The following SH3RF3 variants were observed in gnomAD, a reference collection of about 807,000 sequenced individuals.
SH3RF3 encodes the protein SH3 domain containing ring finger 3.
SH3RF3 carries 29 observed loss-of-function variants against 66.3 expected under a neutral mutation model. The ratio of observed to expected loss-of-function variants is 0.44; its 90% CI spans 0.33 to 0.60. The LOEUF (loss-of-function observed/expected upper bound fraction) is 0.60. Among genes scored for constraint, SH3RF3 ranks in the 20% least tolerant of loss-of-function variants. SH3RF3 has a pLI of 0.04. For missense variants in SH3RF3, 1,194 were observed against 1,190.9 expected (o/e 1.00, Z -0.04); for synonymous variants, 583 against 532.0 (o/e 1.10, Z -1.32).
chr2:109,284,409 G>A (rs998910891), intron 1 of SH3RF3, among the ~76,000 whole-genome samples: 1 of 152,238 alleles, frequency 6.6e-6, no homozygotes, highest in African/African-American at 2.4e-5. Context: ...TGTGGGGCAG[G>A]ACCTTATTCC....
intron 1 of SH3RF3, among the ~76,000 whole-genome samples, chr2:109,345,462 C>T (rs1474696682): frequency 6.6e-6 from 1 of 152,132 alleles, no homozygotes; most frequent in Non-Finnish European, 1.5e-5. Context: ...AAACAGCCAC[C>T]GAGTCTGTAG....
chr2:109,339,957 G>T (rs560395204), intron 1 of SH3RF3, among the ~76,000 whole-genome samples: 1 of 152,330 alleles, frequency 6.6e-6, no homozygotes, highest in South Asian at 2.1e-4. Flanking sequence ...GTGGTTGGAA[G>T]CTGGTTGCCC....
chr2:109,336,347 G>A (rs1682421340), intron 1 of SH3RF3, among the ~76,000 whole-genome samples: 1 of 152,212 alleles, frequency 6.6e-6, no homozygotes, highest in Admixed American at 6.5e-5. Context: ...AAGTGTGAAG[G>A]CTTCAAGAAG....
rs80115599 is a variant in SH3RF3, at chr2:109,150,210, C to T, written c.573+20097C>T. ...ACCTGGAAGATGAGTTGGACATGGC[C>T]AGGTAAAGAGGGAGGAAGAGTGTTC... On this transcript the variant is annotated intron_variant, in intron 1 of 9. Transcript: ENST00000309415. Among the ~76,000 whole-genome samples, 1,217 of 152,054 alleles carry T rather than the reference C, an allele frequency of 8.0e-3. 16 individuals are homozygous for T. The highest frequency in any genetic ancestry group is 0.028 in the African/African-American group (1,158 of 41,462).
intron 9 of SH3RF3, among the ~76,000 whole-genome samples, chr2:109,495,042 T>A (rs1383652422): frequency 6.6e-6 from 1 of 152,130 alleles, no homozygotes; most frequent in East Asian, 1.9e-4. Context: ...GTCTCGTAAG[T>A]AGACTTATGA....
At chr2:109,272,847 C>T (rs889599296) in intron 1 of SH3RF3, among the ~76,000 whole-genome samples, 1 of 152,168 alleles carries the variant, frequency 6.6e-6, no homozygotes, top group Non-Finnish European at 1.5e-5. Flanking sequence ...GGTTCCCGGA[C>T]TGGTGTTCTG....
At chr2:109,196,900 A>T (rs988302642) in intron 1 of SH3RF3, among the ~76,000 whole-genome samples, 1 of 152,198 alleles carries the variant, frequency 6.6e-6, no homozygotes, top group Non-Finnish European at 1.5e-5. Context: ...CCGGCACATC[A>T]TAGAGGCTGG....
At chr2:109,462,471 C>T (rs907900922) in intron 8 of SH3RF3, among the ~76,000 whole-genome samples, 1 of 152,140 alleles carries the variant, frequency 6.6e-6, no homozygotes, top group Admixed American at 6.5e-5. Context: ...CTCTGTCATT[C>T]TCCATGATCC....
chr2:109,409,056 C>T (rs190373962), intron 4 of SH3RF3, among the ~76,000 whole-genome samples: 2 of 152,336 alleles, frequency 1.3e-5, no homozygotes, highest in African/African-American at 2.4e-5. Flanking sequence ...ACAGACCTCC[C>T]CTTTCCTTGT....
intron 4 of SH3RF3, among the ~76,000 whole-genome samples, chr2:109,415,831 T>G (rs973093060): frequency 2.0e-5 from 3 of 152,204 alleles, no homozygotes; most frequent in African/African-American, 7.2e-5. Context: ...ATGTCCCCTC[T>G]GAAATTCATG....
At chr2:109,442,547 CAA>C (rs898055123) in intron 7 of SH3RF3, among the ~76,000 whole-genome samples, 3 of 151,932 alleles carry the variant, frequency 2.0e-5, no homozygotes, top group Non-Finnish European at 2.9e-5. Context: ...ATTTAAAACT[CAA>C]AAGCAAAATG....
chr2:109,132,123 G>A (rs1676711921), intron 1 of SH3RF3, among the ~76,000 whole-genome samples: 1 of 152,182 alleles, frequency 6.6e-6, no homozygotes, highest in African/African-American at 2.4e-5. Flanking sequence ...GGATGTTGTT[G>A]CATGTTGTTT....
At chr2:109,186,188 C>G (rs982798188) in intron 1 of SH3RF3, among the ~76,000 whole-genome samples, 16 of 152,224 alleles carry the variant, frequency 1.1e-4, no homozygotes, top group Admixed American at 1.0e-3. Context: ...ACTGAGATTT[C>G]TGTTTTTGCC....
At chr2:109,383,317 A>T (rs1378109606) in intron 3 of SH3RF3, among the ~76,000 whole-genome samples, 1 of 152,186 alleles carries the variant, frequency 6.6e-6, no homozygotes, top group African/African-American at 2.4e-5. Context: ...CTGGGGGGTC[A>T]TGGGGGACCC....
chr2:109,160,494 G>A (rs975397328), intron 1 of SH3RF3, among the ~76,000 whole-genome samples: 4 of 152,226 alleles, frequency 2.6e-5, no homozygotes, highest in African/African-American at 9.6e-5. Flanking sequence ...AAGACCCTCT[G>A]GCAGGGAGAA....
rs67139652 is a variant in SH3RF3 at position 109,211,648 on chromosome 2, C to CT, written c.573+81549dup. ...CCTTCGGCCCTTCCTGCATTTCTTT[C>CT]TTTTTTTTTTTTTTGAGATGGAGTC... On this transcript the variant is annotated intron_variant, in intron 1 of 9. Transcript: ENST00000309415. 1.2e-3 allele frequency among the ~76,000 whole-genome samples: 169 copies of CT among 142,556 alleles called. 2 individuals are homozygous for CT. The highest frequency in any genetic ancestry group is 2.2e-3 in the South Asian group (10 of 4,484). The allele number at this position is 142,556 out of a possible 152,430, so 93.5% of individuals were successfully genotyped here.
chr2:109,146,247 T>C (rs548583740), intron 1 of SH3RF3, among the ~76,000 whole-genome samples: 205 of 152,296 alleles, frequency 1.3e-3, no homozygotes, highest in Non-Finnish European at 2.4e-3. Flanking sequence ...GCTGCTCTTA[T>C]AGCCAGATTA....
chr2:109,272,099 A>T (rs572747694), intron 1 of SH3RF3, among the ~76,000 whole-genome samples: 31 of 152,296 alleles, frequency 2.0e-4, no homozygotes, highest in Non-Finnish European at 3.7e-4. Flanking sequence ...CACTCAGGGC[A>T]GCCCGTCTGC....
chr2:109,422,348 C>T (rs1007509060), intron 5 of SH3RF3, among the ~76,000 whole-genome samples: 3 of 152,180 alleles, frequency 2.0e-5, no homozygotes, highest in Admixed American at 2.0e-4. Flanking sequence ...ATAGCTTTGA[C>T]CTCTCCAGGC....
Sources: allele counts gnomAD v4.1 joint callset (sites outside exome capture counted in the v4.1 genomes callset), GRCh38; gene constraint gnomAD v4.1.1; transcripts MANE v1.5; gene names NCBI Gene and HGNC (gene_info 2026-07-23, HGNC 2026-07-21).